Variants in SETD2 observed in about 807,000 individuals in gnomAD.
SETD2 encodes the protein histone-lysine N-methyltransferase SETD2.
A neutral mutation model predicts 242.1 loss-of-function variants in SETD2; 31 were observed. The observed-to-expected ratio is 0.13, with a 90% CI of 0.10 to 0.17. The LOEUF is 0.17. SETD2 is among the 10% of genes least tolerant of loss of function. SETD2 has a pLI of 1.00. For missense variants in SETD2, 2,481 were observed against 3,046.3 expected (o/e 0.81, Z 4.37); for synonymous variants, 1,006 against 1,066.5 (o/e 0.94, Z 1.11).
intron 6 of SETD2, 57 bp downstream of exon 6, chr3:47,105,940 A>T (rs763636509): frequency 6.7e-7 from 1 of 1,498,066 alleles, no homozygotes; most frequent in African/African-American, 1.4e-5. Context: ...ATCAGTATCA[A>T]TGGCTCCTTC....
At chr3:47,040,106 G>A (rs1185826275) in intron 17 of SETD2, among the ~76,000 whole-genome samples, 2 of 151,856 alleles carry the variant, frequency 1.3e-5, no homozygotes, top group Non-Finnish European at 2.9e-5. Flanking sequence ...GGCTTCCCAA[G>A]TAGGAAGGAT....
chr3:47,111,562 C>T (rs997255482), intron 5 of SETD2, among the ~76,000 whole-genome samples: 1 of 151,688 alleles, frequency 6.6e-6, no homozygotes, highest in Non-Finnish European at 1.5e-5. Flanking sequence ...AGGGCAAGAC[C>T]CTGTCTCAAA....
At chr3:47,045,822 C>T (rs1307525947) in intron 16 of SETD2, among the ~76,000 whole-genome samples, 1 of 142,838 alleles carries the variant, frequency 7.0e-6, no homozygotes, top group Non-Finnish European at 1.5e-5. Context: ...GTCACCTGGG[C>T]TGGAGTGCAG....
In SETD2 at chr3:47,016,577, C is replaced by A; in HGVS notation, c.*516G>T. 4.3e-6 allele frequency: 1 copy of A among 233,866 alleles called. No homozygotes were observed. The highest frequency in any genetic ancestry group is 8.5e-6 in the Non-Finnish European group (1 of 118,210). 14.5% of individuals were successfully genotyped at this position (233,866 alleles called of 1,614,324 possible). ...AAGGCAGCCTGCTTTAGAATATTTA[C>A]ATGATAACAAATTAAACCTTGCAGG... On this transcript the variant is annotated 3_prime_UTR_variant, in exon 21 of 21. Coordinates refer to ENST00000409792, the MANE Select transcript of SETD2 (RefSeq NM_014159.7).
chr3:47,020,052 A>G (rs956027966), intron 18 of SETD2, among the ~76,000 whole-genome samples: 5 of 152,064 alleles, frequency 3.3e-5, no homozygotes, highest in African/African-American at 7.2e-5. Context: ...TCTCCTTCTT[A>G]TAAGTTAAGT....
rs151084666 is a variant in SETD2, at chr3:47,141,037, A to G, written c.72-14374T>C. Among the ~76,000 whole-genome samples, 776 of 151,648 alleles carry G rather than the reference A, an allele frequency of 5.1e-3. 7 individuals are homozygous for G. Among genetic ancestry groups the G allele is most frequent in the African/African-American group, 0.018 (744 of 41,286 alleles). On this transcript the variant is annotated intron_variant, in intron 1 of 20. Transcript: ENST00000409792. Reference sequence around the variant, plus strand: ...TGTGAGACAGGATCTCACTGCCCTCACCCAGGCTGGAGTGCAGTGTCATGA... The same window carrying G: ...TGTGAGACAGGATCTCACTGCCCTCGCCCAGGCTGGAGTGCAGTGTCATGA...
intron 18 of SETD2, among the ~76,000 whole-genome samples, chr3:47,021,031 A>C (rs2038195278): frequency 6.6e-6 from 1 of 152,210 alleles, no homozygotes; most frequent in African/African-American, 2.4e-5. Flanking sequence ...GAATATAAAG[A>C]TCCAATTTGT....
chr3:47,160,052 C>T (rs1697444001), intron 1 of SETD2, among the ~76,000 whole-genome samples: 1 of 152,062 alleles, frequency 6.6e-6, no homozygotes. Context: ...CCATTCTAGC[C>T]ATAATGGGCA....
chr3:47,051,810 A>G (rs1164693561), intron 15 of SETD2, among the ~76,000 whole-genome samples: 1 of 152,178 alleles, frequency 6.6e-6, no homozygotes, highest in Non-Finnish European at 1.5e-5. Flanking sequence ...ACAATAGAAA[A>G]CTGCTAATAT....
chr3:47,072,868 C>T (rs888470197), intron 12 of SETD2, among the ~76,000 whole-genome samples: 2 of 150,616 alleles, frequency 1.3e-5, no homozygotes, highest in African/African-American at 4.9e-5. Flanking sequence ...AATGGTGTGA[C>T]CCTGGGAGGC....
chr3:47,114,560 T>C (rs1333955111), intron 4 of SETD2, among the ~76,000 whole-genome samples: 3 of 152,114 alleles, frequency 2.0e-5, no homozygotes. Context: ...GTGATAGATA[T>C]AAAGGTTTTA....
In SETD2 at chr3:47,045,325, G is replaced by A. The variant is rs566309625; in HGVS notation, c.7098+1162C>T. 5.3e-5 allele frequency among the ~76,000 whole-genome samples: 8 copies of A among 151,926 alleles called. No homozygotes were observed. The South Asian group carries it at 6.2e-4, about 12-fold the overall frequency. ...ACGAGGTCAGGAGATTGAGACCATC[G>A]TGGCTAACACAGCGAAACCCCGTCT... On this transcript the variant is annotated intron_variant, in intron 16 of 20. Coordinates refer to ENST00000409792, the MANE Select transcript of SETD2 (RefSeq NM_014159.7).
At chr3:47,074,765 G>A (rs1050624481) in intron 12 of SETD2, among the ~76,000 whole-genome samples, 2 of 152,132 alleles carry the variant, frequency 1.3e-5, no homozygotes, top group African/African-American at 4.8e-5. Flanking sequence ...CCTCACCCCA[G>A]AAATGCTATA....
intron 16 of SETD2, among the ~76,000 whole-genome samples, chr3:47,044,090 C>G (rs1168321991): frequency 1.3e-5 from 2 of 151,858 alleles, no homozygotes; most frequent in Non-Finnish European, 2.9e-5. Flanking sequence ...TGCCTGTAAT[C>G]CCAGCACTTT....
Position 47,036,212 on chromosome 3 carries a change from T to C in SETD2, c.7350+1454A>G, listed in dbSNP as rs144033259. 1.3e-3 allele frequency among the ~76,000 whole-genome samples: 193 copies of C among 152,278 alleles called. 1 individual carries two copies. The Middle Eastern group carries it at 0.014, about 11-fold the overall frequency. ...TTAATTCTTTTCAAAATTAAAAAAA[T>C]ATTAGTCAGGTTTTAGAACATAAAA... On this transcript the variant is annotated intron_variant, in intron 18 of 20. Coordinates refer to ENST00000409792, the MANE Select transcript of SETD2 (RefSeq NM_014159.7).
chr3:47,145,426 T>C, intron 1 of SETD2: 1 of 311,446 alleles, frequency 3.2e-6, no homozygotes. Context: ...GGTCTTGCTT[T>C]GTTGCCCAGG....
chr3:47,043,972 CT>C (rs2039400281), intron 16 of SETD2, among the ~76,000 whole-genome samples: 1 of 152,144 alleles, frequency 6.6e-6, no homozygotes, highest in African/African-American at 2.4e-5. Flanking sequence ...CCATCTTTCT[CT>C]TGTGATCATC....
chr3:47,060,521 C>A (rs1037031156), intron 14 of SETD2, among the ~76,000 whole-genome samples: 1 of 152,048 alleles, frequency 6.6e-6, no homozygotes, highest in Admixed American at 6.5e-5. Flanking sequence ...GAGAGAGGCA[C>A]CACTGCAGAC....
In SETD2 at chr3:47,139,051, C is replaced by T. The variant is rs573252342; in HGVS notation, c.72-12388G>A. On this transcript the variant is annotated intron_variant, in intron 1 of 20. Coordinates refer to ENST00000409792, the MANE Select transcript of SETD2 (RefSeq NM_014159.7). Reference sequence around the variant, plus strand: ...GCACGATCATAGCTCATTGCAGCCTCGAACTCCTGGGTTCAAGCAATCCTC... The same window carrying T: ...GCACGATCATAGCTCATTGCAGCCTTGAACTCCTGGGTTCAAGCAATCCTC... 2.6e-5 allele frequency among the ~76,000 whole-genome samples: 4 copies of T among 152,240 alleles called. No homozygotes were observed. The East Asian group carries it at 5.8e-4, about 22-fold the overall frequency.
Sources: allele counts gnomAD v4.1 joint callset (sites outside exome capture counted in the v4.1 genomes callset), GRCh38; gene constraint gnomAD v4.1.1; transcripts MANE v1.5; gene names NCBI Gene and HGNC (gene_info 2026-07-23, HGNC 2026-07-21).